The following APBA2 variants were observed in gnomAD, a reference collection of about 807,000 sequenced individuals.
The protein encoded by APBA2 is amyloid-beta A4 precursor protein-binding family A member 2.
A neutral mutation model predicts 75.0 loss-of-function variants in APBA2; 30 were observed. The ratio of observed to expected loss-of-function variants is 0.40; its 90% CI spans 0.30 to 0.54. The LOEUF (loss-of-function observed/expected upper bound fraction) is 0.54. Ranked by LOEUF, APBA2 falls within the 20% of genes least tolerant of loss-of-function variation. The pLI, the probability that APBA2 is intolerant of heterozygous loss-of-function variation, is 0.49. For synonymous variants in APBA2, 444 were observed against 409.6 expected (o/e 1.08, Z -1.01); for missense variants, 801 against 1,016.1 (o/e 0.79, Z 2.88).
intron 3 of APBA2, among the ~76,000 whole-genome samples, chr15:29,022,945 G>A (rs187081067): frequency 6.6e-6 from 1 of 152,010 alleles, no homozygotes; most frequent in Admixed American, 6.5e-5. Flanking sequence ...TTATAGTTTT[G>A]TTGCTATTGT....
intron 13 of APBA2, among the ~76,000 whole-genome samples, chr15:29,109,738 C>A (rs969626101): frequency 6.6e-6 from 1 of 152,250 alleles, no homozygotes; most frequent in Non-Finnish European, 1.5e-5. Flanking sequence ...GCCATACCTT[C>A]CCTGCTGTGT....
At chr15:29,072,493 G>A (rs2042668397) in intron 4 of APBA2, among the ~76,000 whole-genome samples, 1 of 152,170 alleles carries the variant, frequency 6.6e-6, no homozygotes, top group Admixed American at 6.5e-5. Context: ...CTTGGCCATA[G>A]CAGGAAGATC....
At chr15:29,074,567 A>T (rs2042764897) in intron 4 of APBA2, among the ~76,000 whole-genome samples, 1 of 152,168 alleles carries the variant, frequency 6.6e-6, no homozygotes, top group South Asian at 2.1e-4. Context: ...GAAGAGGAAG[A>T]CATTCTGAAG....
intron 6 of APBA2, among the ~76,000 whole-genome samples, chr15:29,086,616 C>G (rs913517517): frequency 2.6e-5 from 4 of 152,128 alleles, no homozygotes; most frequent in Non-Finnish European, 4.4e-5. Context: ...AATAACAATA[C>G]CAAACACTGC....
At chr15:28,998,194 CTT>C (rs1326250235) in intron 3 of APBA2, among the ~76,000 whole-genome samples, 1 of 141,598 alleles carries the variant, frequency 7.1e-6, no homozygotes, top group Non-Finnish European at 1.5e-5. Context: ...TCTTATTCTT[CTT>C]TTTCTTTTTT....
intron 2 of APBA2, among the ~76,000 whole-genome samples, chr15:28,926,556 T>C (rs998753791): frequency 6.6e-6 from 1 of 152,176 alleles, no homozygotes; most frequent in Non-Finnish European, 1.5e-5. Context: ...TTTATTTTTA[T>C]ATCAAATAAG....
intron 2 of APBA2, among the ~76,000 whole-genome samples, chr15:28,946,845 C>G (rs900746731): frequency 1.3e-5 from 2 of 152,210 alleles, no homozygotes; most frequent in Non-Finnish European, 2.9e-5. Context: ...TCGCCAAGTG[C>G]TGGGATTATA....
At position 28,966,230 on chromosome 15, in the gene APBA2, G is replaced by T. The variant is rs1207340311; in HGVS notation, c.-94-29523G>T. ...TTTGATCTTTTTGTTGGATGGTGTT[G>T]CACACTTCTGTATCTTTGCTGATCT... On this transcript the variant is annotated intron_variant, in intron 2 of 14. Coordinates refer to ENST00000683413, the MANE Select transcript of APBA2 (RefSeq NM_001353788.2). 2.0e-5 allele frequency among the ~76,000 whole-genome samples: 3 copies of T among 152,110 alleles called. No individual in the cohort carries two copies. The East Asian group carries it at 5.8e-4, about 29-fold the overall frequency.
chr15:28,989,795 C>T (rs1452497513), intron 2 of APBA2, among the ~76,000 whole-genome samples: 5 of 152,176 alleles, frequency 3.3e-5, no homozygotes, highest in Admixed American at 6.5e-5. Flanking sequence ...CAGACGTAGA[C>T]GTGGCTAAGC....
intron 2 of APBA2, among the ~76,000 whole-genome samples, chr15:28,928,333 G>C (rs1036560949): frequency 2.0e-5 from 3 of 152,028 alleles, no homozygotes; most frequent in Non-Finnish European, 4.4e-5. Context: ...GGCGTATTCC[G>C]ATCCTTGCAG....
At chr15:29,106,524 G>A (rs1233932807) in intron 11 of APBA2, 83 bp from the exon 12 acceptor site, 3 of 1,461,094 alleles carry the variant, frequency 2.1e-6, no homozygotes, top group East Asian at 2.3e-5. Flanking sequence ...CCAGGACAGG[G>A]TCAGCCTCAT....
At chr15:29,116,955 G>A (rs1311665198) in intron 14 of APBA2, 107 bp from the exon 15 acceptor site, 20 of 1,203,830 alleles carry the variant, frequency 1.7e-5, no homozygotes, top group Non-Finnish European at 2.2e-5. Flanking sequence ...TAGGAGATGG[G>A]CATTTGAAGC....
intron 2 of APBA2, among the ~76,000 whole-genome samples, chr15:28,995,195 A>G (rs1205499968): frequency 6.6e-6 from 1 of 152,064 alleles, no homozygotes; most frequent in African/African-American, 2.4e-5. Flanking sequence ...AGCTTCCTCT[A>G]TTCAGGGAAG....
chr15:29,065,320 G>A (rs2042332795), intron 4 of APBA2, among the ~76,000 whole-genome samples: 1 of 152,152 alleles, frequency 6.6e-6, no homozygotes. Context: ...TGTTTAGGAA[G>A]AAAGATCGCA....
intron 6 of APBA2, among the ~76,000 whole-genome samples, chr15:29,079,786 T>G (rs1200278081): frequency 3.3e-5 from 5 of 152,200 alleles, no homozygotes; most frequent in African/African-American, 1.2e-4. Flanking sequence ...GGTCTCAGCT[T>G]ATGCCTTATT....
intron 3 of APBA2, among the ~76,000 whole-genome samples, chr15:29,009,182 G>A (rs1361240860): frequency 6.6e-6 from 1 of 152,102 alleles, no homozygotes; most frequent in East Asian, 1.9e-4. Flanking sequence ...AGAATCTGAG[G>A]AAAGACTCTA....
Position 29,079,864 on chromosome 15 carries a change from C to A in APBA2, c.1069+3773C>A, listed in dbSNP as rs1464464455. Among the ~76,000 whole-genome samples, 3 of 152,216 alleles carry A rather than the reference C, an allele frequency of 2.0e-5. No homozygotes were observed. The East Asian group carries it at 5.8e-4, about 29-fold the overall frequency. ...AACAATGCACATGATACCGTCTGAA[C>A]CCTCGTTGGGGCCTGGTGTCCACTC... On this transcript the variant is annotated intron_variant, in intron 6 of 14. Coordinates refer to ENST00000683413, the MANE Select transcript of APBA2 (RefSeq NM_001353788.2).
intron 3 of APBA2, among the ~76,000 whole-genome samples, chr15:29,020,469 T>C (rs2152829028): frequency 6.6e-6 from 1 of 152,180 alleles, no homozygotes; most frequent in Admixed American, 6.5e-5. Flanking sequence ...ATAAAAGCTG[T>C]ACACATTTTT....
At chr15:29,048,042 A>C (rs1339230673) in intron 3 of APBA2, among the ~76,000 whole-genome samples, 1 of 152,196 alleles carries the variant, frequency 6.6e-6, no homozygotes, top group African/African-American at 2.4e-5. Flanking sequence ...AAGACTCAGT[A>C]TTGTAAGTAT....
Sources: gnomAD v4.1 joint callset for allele counts (sites outside exome capture counted in the v4.1 genomes callset) on GRCh38, gnomAD v4.1.1 for gene constraint, MANE v1.5 for transcripts, NCBI Gene and HGNC (gene_info 2026-07-23, HGNC 2026-07-21) for gene names.